CACNA1G: variants seen among roughly 807,000 people sequenced by gnomAD.
CACNA1G encodes the protein voltage-dependent T-type calcium channel subunit alpha-1G.
In CACNA1G, 67 loss-of-function variants were observed where a neutral mutation model predicts 219.4. That is an observed-to-expected ratio of 0.31 (90% confidence interval 0.25 to 0.37). The LOEUF is 0.37. Among genes scored for constraint, CACNA1G ranks in the 10% least tolerant of loss-of-function variants. CACNA1G has a pLI of 1.00. For missense variants in CACNA1G, 2,380 were observed against 3,231.4 expected, an observed-to-expected ratio of 0.74 and a Z score of 6.39; for synonymous variants, 1,296 against 1,345.3, an observed-to-expected ratio of 0.96 and a Z score of 0.80.
Position 50,626,906 on chromosome 17 carries a change from C to A in CACNA1G, c.*155C>A. The stretch of plus-strand genomic sequence containing the variant: ...TGGCTCTGGGTACCTGCAAGCAGAA[C>A]TTCCAAAGAGAGTTAAAAGCAGCAG... On this transcript the variant is annotated 3_prime_UTR_variant, in exon 38 of 38. Transcript: ENST00000359106. The surrounding 1 kb of genome is among the most constrained non-coding windows in gnomAD (Gnocchi z 4.3). The A allele has an allele frequency of 1.0e-6, 1 of 971,396 alleles. No homozygotes were observed. The highest frequency in any genetic ancestry group is 1.6e-6 in the Non-Finnish European group (1 of 607,582). 60.2% of individuals were successfully genotyped at this position (971,396 alleles called of 1,614,324 possible).
chr17:50,594,625 C>T (rs960891834), intron 13 of CACNA1G, among the ~76,000 whole-genome samples: 2 of 152,132 alleles, frequency 1.3e-5, no homozygotes, highest in Admixed American at 6.5e-5. Context: ...TGTAAGATGG[C>T]GATCCTGGAA....
intron 1 of CACNA1G, among the ~76,000 whole-genome samples, chr17:50,565,121 G>A (rs1361247055): frequency 7.5e-6 from 1 of 133,106 alleles, no homozygotes; most frequent in Non-Finnish European, 1.6e-5. Context: ...GCAGACATGC[G>A]CACGCGCGCG....
Position 50,572,600 on chromosome 17 carries a change from G to A in CACNA1G, c.793G>A (p.Asp265Asn). The change falls in exon 6 of 38, where the codon GAT (aspartate) becomes AAT (asparagine). Residue 265 changes from aspartate (D) to asparagine (N), a missense_variant. Coordinates refer to ENST00000359106, the MANE Select transcript of CACNA1G (RefSeq NM_018896.5). The stretch of plus-strand genomic sequence containing the variant: ...GCGCTATTACCAGACAGAGAACGAG[G>A]ATGAGAGCCCCTTCATCTGCTCCCA... ...LERYYQTENE[D>N]ESPFICSQPR... The A allele has an allele frequency of 6.3e-7, 1 of 1,588,132 alleles. No homozygotes were observed. Among genetic ancestry groups the A allele is most frequent in the South Asian group, 1.1e-5 (1 of 87,096 alleles).
Position 50,617,405 on chromosome 17 carries a change from C to T in CACNA1G, c.5022-33C>T. 6.9e-6 allele frequency: 11 copies of T among 1,590,184 alleles called. No homozygotes were observed. The highest frequency in any genetic ancestry group is 8.6e-6 in the Non-Finnish European group (10 of 1,163,288). ...CCCCCTCCTTCAGGAACCCCCTCCC[C>T]CAACTCAGGGAGCTGTATTCTGGGC... On this transcript the variant is annotated intron_variant, in intron 28 of 37. Transcript: ENST00000359106. The surrounding 1 kb of genome is among the most constrained non-coding windows in gnomAD (Gnocchi z 5.8).
In CACNA1G at chr17:50,575,776, A is replaced by T. The variant is rs2040509420; in HGVS notation, c.1374A>T (p.Ala458=). ...GGCTGGCTCAGGTCTCTCGGGCAGC[A>T]GGTGTGCGGGTTGGGCTGCTCAGCA... is the stretch of plus-strand genomic sequence containing the variant. ...ARRLAQVSRA[A]GVRVGLLSSP... The change falls in exon 8 of 38, where the codon GCA becomes GCT. Residue 458 remains alanine (A), a synonymous_variant. Coordinates refer to ENST00000359106, the MANE Select transcript of CACNA1G (RefSeq NM_018896.5). The T allele has an allele frequency of 2.6e-6, 4 of 1,556,438 alleles. No homozygotes were observed. The South Asian group carries it at 4.7e-5, about 18-fold the overall frequency.
chr17:50,582,402 G>T (rs534363444), intron 9 of CACNA1G, among the ~76,000 whole-genome samples: 1 of 152,314 alleles, frequency 6.6e-6, no homozygotes, highest in Admixed American at 6.5e-5. Flanking sequence ...AGCTGGATCT[G>T]CAGGACCCAA....
In CACNA1G at chr17:50,596,749, C is replaced by T. The variant is rs61741117; in HGVS notation, c.3084C>T (p.His1028=). 3.7e-4 allele frequency: 592 copies of T among 1,613,430 alleles called. 4 individuals are homozygous for T. The African/African-American group carries it at 6.4e-3, about 18-fold the overall frequency. The change falls in exon 16 of 38, where the codon CAC becomes CAT. Residue 1028 remains histidine, a synonymous_variant. Transcript: ENST00000359106. The surrounding 1 kb of genome is among the most constrained non-coding windows in gnomAD (Gnocchi z 4.8). The stretch of plus-strand genomic sequence containing the variant: ...GTGCAGTGGTGTCCCTGGGAGAGCA[C>T]CCGGAGCTGCGGAAGAGCCTGCTGC... The part of the protein sequence containing the change: ...KCLALVSLGE[H]PELRKSLLPP...
intron 1 of CACNA1G, among the ~76,000 whole-genome samples, chr17:50,567,753 A>C (rs2038302485): frequency 1.3e-5 from 2 of 152,100 alleles, no homozygotes. Context: ...ATACTTGGTC[A>C]TTTAACCGTG....
In CACNA1G at chr17:50,621,715, C is replaced by T. The variant is rs202217909; in HGVS notation, c.5981C>T (p.Pro1994Leu). 2.3e-5 allele frequency: 37 copies of T among 1,613,928 alleles called. No individual in the cohort carries two copies. In the African/African-American group the frequency reaches 2.8e-4, roughly 12 times the overall value. ...LSLTSEIVSE[P>L]SCSLALTDDS... ...CTGACGTCAGAGATTGTGTCTGAAC[C>T]GTCCTGCTCTCTAGCTCTGACGGAT... The change falls in exon 35 of 38, where the codon CCG becomes CTG. Residue 1994 changes from proline (P) to leucine (L), a missense_variant. Physicochemically the swap from Pro to Leu is moderately conservative, Grantham distance 98. Transcript: ENST00000359106. This position sits in a 1 kb window ranked among gnomAD's most constrained non-coding sequence, Gnocchi z 4.6.
chr17:50,575,191 T>A (rs2040391523), intron 7 of CACNA1G, among the ~76,000 whole-genome samples: 1 of 152,236 alleles, frequency 6.6e-6, no homozygotes, highest in South Asian at 2.1e-4. Context: ...GCTGCGTCTC[T>A]GCAGGTGTGC....
chr17:50,625,920 TG>T, intron 37 of CACNA1G, 96 bp from the exon 38 acceptor site: 1 of 1,328,234 alleles, frequency 7.5e-7, no homozygotes, highest in Non-Finnish European at 1.0e-6. Context: ...CTGCTGTGCC[TG>T]GTGGTGGTGG....
intron 9 of CACNA1G, among the ~76,000 whole-genome samples, chr17:50,588,686 C>T (rs561970425): frequency 3.9e-5 from 6 of 152,376 alleles, no homozygotes; most frequent in African/African-American, 1.2e-4. Context: ...GCTGGAGCAA[C>T]GGGCTCCATG....
chr17:50,569,929 G>T (rs895542362), intron 4 of CACNA1G, 126 bp downstream of exon 4: 3 of 688,762 alleles, frequency 4.4e-6, no homozygotes, highest in African/African-American at 1.8e-5. Flanking sequence ...GAAGGGCTCA[G>T]TGGGGAGCTG....
rs2053955064 is a variant in CACNA1G at position 50,627,250 on chromosome 17, C to T, written c.*499C>T. 4.4e-6 allele frequency: 2 copies of T among 453,860 alleles called. No individual in the cohort carries two copies. Among genetic ancestry groups the T allele is most frequent in the African/African-American group, 2.0e-5 (1 of 49,914 alleles). 28.1% of individuals were successfully genotyped at this position (453,860 alleles called of 1,614,324 possible). On this transcript the variant is annotated 3_prime_UTR_variant, in exon 38 of 38. Transcript: ENST00000359106. ...AGCTGGGACCGCGAGCACATTGCAGCCCCAACGGTGGCCCATCTTCAGCGG... is the reference window on the plus strand; with the variant it reads ...AGCTGGGACCGCGAGCACATTGCAGTCCCAACGGTGGCCCATCTTCAGCGG...
intron 9 of CACNA1G, among the ~76,000 whole-genome samples, chr17:50,586,215 A>G (rs978131443): frequency 6.6e-6 from 1 of 152,116 alleles, no homozygotes; most frequent in African/African-American, 2.4e-5. Context: ...TGCTTTGTAC[A>G]TCTCCTTCCT....
intron 8 of CACNA1G, among the ~76,000 whole-genome samples, chr17:50,577,518 C>T (rs576634179): frequency 1.3e-5 from 2 of 149,896 alleles, no homozygotes; most frequent in South Asian, 2.2e-4. Flanking sequence ...TGTGCATGCA[C>T]GTGTCTGGTG....
At chr17:50,566,436 G>C (rs2037884748) in intron 1 of CACNA1G, among the ~76,000 whole-genome samples, 1 of 152,202 alleles carries the variant, frequency 6.6e-6, no homozygotes, top group Non-Finnish European at 1.5e-5. Flanking sequence ...ATGTTACTTG[G>C]AAGTAGGCTG....
intron 2 of CACNA1G, 23 bp downstream of exon 2, chr17:50,569,004 G>T (rs1286731347): frequency 6.6e-7 from 1 of 1,513,490 alleles, no homozygotes; most frequent in Non-Finnish European, 8.9e-7. Flanking sequence ...GTGTGTGTGT[G>T]TGTGTGTGTG....
Position 50,621,933 on chromosome 17 carries a change from C to G in CACNA1G, c.6060+139C>G, listed in dbSNP as rs1173885747. 1.1e-6 allele frequency: 1 copy of G among 889,442 alleles called. No homozygotes were observed. The highest frequency in any genetic ancestry group is 1.7e-6 in the Non-Finnish European group (1 of 584,648). 55.1% of individuals were successfully genotyped at this position (889,442 alleles called of 1,614,324 possible). ...GGCTCCACCCAGAGGCATCAACTGTCAGGACCTCGGTGGCCCACGCTTTGC... is the reference window on the plus strand; with the variant it reads ...GGCTCCACCCAGAGGCATCAACTGTGAGGACCTCGGTGGCCCACGCTTTGC... On this transcript the variant is annotated intron_variant, in intron 35 of 37. Transcript: ENST00000359106. This position sits in a 1 kb window ranked among gnomAD's most constrained non-coding sequence, Gnocchi z 4.6.
Sources: allele counts gnomAD v4.1 joint callset (sites outside exome capture counted in the v4.1 genomes callset), GRCh38; gene constraint gnomAD v4.1.1; non-coding constraint Gnocchi (gnomAD v3.1); transcripts MANE v1.5; gene names NCBI Gene and HGNC (gene_info 2026-07-23, HGNC 2026-07-21).